ATF1: variants seen among roughly 807,000 people sequenced by gnomAD.
ATF1 encodes the protein cyclic AMP-dependent transcription factor ATF-1.
ATF1 carries 16 observed loss-of-function variants against 34.7 expected under a neutral mutation model. The ratio of observed to expected loss-of-function variants is 0.46; its 90% CI spans 0.31 to 0.70. The LOEUF is 0.70. Ranked by LOEUF, ATF1 falls within the 30% of genes least tolerant of loss-of-function variation. The pLI, the probability that ATF1 is intolerant of heterozygous loss-of-function variation, is 0.05. For synonymous variants in ATF1, 105 were observed against 113.1 expected (o/e 0.93, Z 0.46); for missense variants, 255 against 321.6 (o/e 0.79, Z 1.58).
At chr12:50,781,321 G>A (rs1941056041) in intron 2 of ATF1, among the ~76,000 whole-genome samples, 1 of 152,142 alleles carries the variant, frequency 6.6e-6, no homozygotes, top group South Asian at 2.1e-4. Flanking sequence ...GTCGGTACAT[G>A]TTCAGTATAG....
intron 6 of ATF1, among the ~76,000 whole-genome samples, chr12:50,816,981 C>G (rs909589349): frequency 6.6e-6 from 1 of 152,202 alleles, no homozygotes; most frequent in Admixed American, 6.5e-5. Flanking sequence ...CCTTTATACC[C>G]ACCCAATTGG....
intron 2 of ATF1, among the ~76,000 whole-genome samples, chr12:50,791,198 A>G (rs1255970540): frequency 1.3e-5 from 2 of 152,188 alleles, no homozygotes; most frequent in African/African-American, 2.4e-5. Context: ...TTGAGGGATG[A>G]TGAGACTGGG....
chr12:50,816,288 C>G (rs1941841855), intron 6 of ATF1, among the ~76,000 whole-genome samples: 1 of 152,026 alleles, frequency 6.6e-6, no homozygotes, highest in Non-Finnish European at 1.5e-5. Flanking sequence ...CACTGCACTT[C>G]AGCCTGGGCA....
chr12:50,770,005 C>G (rs974843688), intron 1 of ATF1, among the ~76,000 whole-genome samples: 3 of 152,278 alleles, frequency 2.0e-5, no homozygotes, highest in African/African-American at 7.2e-5. Context: ...TAAAATGTTG[C>G]TGATCCTTTG....
chr12:50,785,701 C>A (rs1370019927), intron 2 of ATF1, among the ~76,000 whole-genome samples: 1 of 152,126 alleles, frequency 6.6e-6, no homozygotes, highest in African/African-American at 2.4e-5. Context: ...GAATTCTTTT[C>A]ACTGTGGCTG....
At chr12:50,800,021 A>G (rs1017410687) in intron 3 of ATF1, among the ~76,000 whole-genome samples, 1 of 152,222 alleles carries the variant, frequency 6.6e-6, no homozygotes, top group Admixed American at 6.5e-5. Context: ...CAAACTCTAA[A>G]CAGGATAAAC....
chr12:50,765,824 AG>A (rs1163162954), intron 1 of ATF1, among the ~76,000 whole-genome samples: 1 of 152,194 alleles, frequency 6.6e-6, no homozygotes, highest in East Asian at 1.9e-4. Context: ...TGGCAATGTC[AG>A]GAAGTTACCC....
intron 1 of ATF1, among the ~76,000 whole-genome samples, chr12:50,773,444 CTTTTTTTTTTTT>C (rs71086476): frequency 1.1e-5 from 1 of 89,568 alleles, no homozygotes; most frequent in Admixed American, 1.6e-4. Context: ...AATTGCCATT[CTTTTTTTTTTTT>C]TTTTTTTTTT....
At chr12:50,800,861 A>T (rs1941498245) in intron 3 of ATF1, among the ~76,000 whole-genome samples, 1 of 152,156 alleles carries the variant, frequency 6.6e-6, no homozygotes, top group South Asian at 2.1e-4. Flanking sequence ...GCACTTTGGG[A>T]GGCTGAGGCA....
chr12:50,783,562 G>A (rs1182026172), intron 2 of ATF1, among the ~76,000 whole-genome samples: 3 of 152,084 alleles, frequency 2.0e-5, no homozygotes, highest in African/African-American at 4.8e-5. Context: ...ATTTTATAGT[G>A]ATTTTTAAAA....
At chr12:50,792,801 C>A (rs1244023413) in intron 2 of ATF1, among the ~76,000 whole-genome samples, 1 of 151,568 alleles carries the variant, frequency 6.6e-6, no homozygotes, top group Non-Finnish European at 1.5e-5. Context: ...ACCCTTTTAT[C>A]CCAGGTATTT....
intron 1 of ATF1, among the ~76,000 whole-genome samples, chr12:50,765,690 T>A (rs529763829): frequency 3.3e-5 from 5 of 152,184 alleles, no homozygotes; most frequent in African/African-American, 1.2e-4. Context: ...AAAATACAGG[T>A]CATGAAGACC....
intron 2 of ATF1, among the ~76,000 whole-genome samples, chr12:50,794,709 C>CAGG (rs1413310794): frequency 1.3e-5 from 2 of 151,764 alleles, no homozygotes; most frequent in Non-Finnish European, 2.9e-5. Context: ...TGCTTGAGCC[C>CAGG]AGGAGTTTGA....
rs1941790221 is a variant in ATF1, at chr12:50,814,033, T to C, written c.352T>C (p.Leu118=). Residue 118 remains leucine (L), a synonymous_variant, in exon 5 of 7, where the codon TTA becomes CTA. Transcript: ENST00000262053. ...QYIAIAPNGA[L]QLASPGTDGV... ...AGTTGCCATTGCCCCAAATGGAGCC[T>C]TACAGTTGGCAAGTCCAGGCACAGA... 6.2e-7 allele frequency: 1 copy of C among 1,613,772 alleles called. No individual in the cohort carries two copies. The highest frequency in any genetic ancestry group is 2.2e-5 in the East Asian group (1 of 44,888).
At chr12:50,802,069 C>A (rs1445322063) in intron 3 of ATF1, among the ~76,000 whole-genome samples, 1 of 152,020 alleles carries the variant, frequency 6.6e-6, no homozygotes, top group East Asian at 1.9e-4. Flanking sequence ...GATATAAGAT[C>A]AATATAACAA....
At chr12:50,815,408 C>G (rs1481510005) in intron 6 of ATF1, among the ~76,000 whole-genome samples, 1 of 151,612 alleles carries the variant, frequency 6.6e-6, no homozygotes, top group Non-Finnish European at 1.5e-5. Context: ...TTTTTTAAGA[C>G]AAGGTCTCAC....
At chr12:50,777,034 A>G (rs1203714300) in intron 1 of ATF1, among the ~76,000 whole-genome samples, 2 of 152,032 alleles carry the variant, frequency 1.3e-5, no homozygotes, top group African/African-American at 4.8e-5. Context: ...TTGTAATTTT[A>G]GTAGAGATGG....
At chr12:50,802,255 G>C (rs1425397569) in intron 3 of ATF1, among the ~76,000 whole-genome samples, 1 of 152,374 alleles carries the variant, frequency 6.6e-6, no homozygotes, top group East Asian at 1.9e-4. Context: ...GCCAGGCACA[G>C]TGGCTCATGC....
chr12:50,763,785 C>G (rs1156390003), upstream of ATF1: 1 of 152,328 alleles, frequency 6.6e-6, no homozygotes, highest in African/African-American at 2.4e-5. Context: ...ACGCCCCCCG[C>G]GAGCACCCAG....
Sources: gnomAD v4.1 joint callset for allele counts (sites outside exome capture counted in the v4.1 genomes callset) on GRCh38, gnomAD v4.1.1 for gene constraint, MANE v1.5 for transcripts, NCBI Gene and HGNC (gene_info 2026-07-23, HGNC 2026-07-21) for gene names.